Variants in ADARB1 observed in about 807,000 individuals in gnomAD.
ADARB1 encodes the protein adenosine deaminase RNA specific B1.
In ADARB1, 10 loss-of-function variants were observed where a neutral mutation model predicts 52.4. The ratio of observed to expected loss-of-function variants is 0.19; its 90% CI spans 0.12 to 0.32. The LOEUF is 0.32. Ranked by LOEUF, ADARB1 falls within the 10% of genes least tolerant of loss-of-function variation. The pLI, the probability that ADARB1 is intolerant of heterozygous loss-of-function variation, is 1.00. For synonymous variants in ADARB1, 349 were observed against 371.1 expected (o/e 0.94, Z 0.68); for missense variants, 643 against 922.3 (o/e 0.70, Z 3.92).
chr21:45,153,858 C>G (rs561854194), intron 2 of ADARB1, among the ~76,000 whole-genome samples: 14 of 152,318 alleles, frequency 9.2e-5, no homozygotes, highest in African/African-American at 3.1e-4. Context: ...CTCAAGAGGT[C>G]ACAGCATTGG....
intron 7 of ADARB1, among the ~76,000 whole-genome samples, chr21:45,183,958 T>C (rs1349450927): frequency 6.6e-6 from 1 of 152,238 alleles, no homozygotes; most frequent in Non-Finnish European, 1.5e-5. Flanking sequence ...TCTTTACATT[T>C]GAGGTTAGCA....
At chr21:45,193,884 G>A (rs2075483044) in intron 8 of ADARB1, among the ~76,000 whole-genome samples, 1 of 152,148 alleles carries the variant, frequency 6.6e-6, no homozygotes, top group African/African-American at 2.4e-5. Flanking sequence ...ACTCATTATT[G>A]TCAAGATACC....
At chr21:45,110,537 A>G (rs2087486852) in intron 1 of ADARB1, among the ~76,000 whole-genome samples, 1 of 152,206 alleles carries the variant, frequency 6.6e-6, no homozygotes, top group Non-Finnish European at 1.5e-5. Flanking sequence ...ATTGCTACTG[A>G]CAATGATGTA....
intron 2 of ADARB1, among the ~76,000 whole-genome samples, chr21:45,158,854 A>G (rs1268028389): frequency 6.6e-6 from 1 of 152,112 alleles, no homozygotes; most frequent in Non-Finnish European, 1.5e-5. Flanking sequence ...GTGGTTGCAG[A>G]TAAGACTGCA....
chr21:45,129,877 G>A lies in ADARB1; in HGVS notation c.-48+1304G>A, dbSNP rs2145835695. On this transcript the variant is annotated intron_variant, in intron 2 of 10. Transcript: ENST00000348831. ...AAGGTCCTGCTTGCCATTTCTGTCT[G>A]TAAATGTCAGGAATTTCAGGTAACT... is the stretch of plus-strand genomic sequence containing the variant. Among the ~76,000 whole-genome samples, 3 of 152,312 alleles carry A rather than the reference G, an allele frequency of 2.0e-5. No homozygotes were observed. The South Asian group carries it at 6.2e-4, about 32-fold the overall frequency.
intron 9 of ADARB1, among the ~76,000 whole-genome samples, chr21:45,218,946 T>G (rs2146448493): frequency 6.6e-6 from 1 of 152,328 alleles, no homozygotes; most frequent in South Asian, 2.1e-4. Flanking sequence ...ATCCATGTGA[T>G]ATGAATTATC....
intron 4 of ADARB1, among the ~76,000 whole-genome samples, chr21:45,178,675 G>A (rs893319466): frequency 6.6e-6 from 1 of 152,206 alleles, no homozygotes; most frequent in Non-Finnish European, 1.5e-5. Context: ...GAAGGACGTA[G>A]GTCAGTCATC....
At chr21:45,136,235 G>A (rs561647866) in intron 2 of ADARB1, among the ~76,000 whole-genome samples, 25 of 152,292 alleles carry the variant, frequency 1.6e-4, no homozygotes, top group Middle Eastern at 3.4e-3. Flanking sequence ...AGGTGCCCTC[G>A]TGCGGGAATG....
intron 5 of ADARB1, among the ~76,000 whole-genome samples, chr21:45,180,698 A>G (rs1321871810): frequency 6.6e-6 from 1 of 152,168 alleles, no homozygotes; most frequent in Non-Finnish European, 1.5e-5. Context: ...TGTCATCTTC[A>G]TCCTGTGAAT....
chr21:45,135,220 G>A (rs1270108429), intron 2 of ADARB1, among the ~76,000 whole-genome samples: 1 of 152,158 alleles, frequency 6.6e-6, no homozygotes, highest in East Asian at 1.9e-4. Flanking sequence ...TGTGTGCTGG[G>A]TAGGATTTCC....
chr21:45,183,339 T>C, intron 6 of ADARB1, 23 bp from the exon 7 acceptor site: 1 of 1,591,480 alleles, frequency 6.3e-7, no homozygotes, highest in Non-Finnish European at 8.5e-7. Context: ...TAAATGTTAC[T>C]TTTGCAACTT....
At chr21:45,099,126 G>A (rs2838781) in intron 1 of ADARB1, among the ~76,000 whole-genome samples, 34 of 152,314 alleles carry the variant, frequency 2.2e-4, no homozygotes, top group Admixed American at 1.8e-3. Flanking sequence ...GTGGATCATA[G>A]CCTGAATGGG....
intron 1 of ADARB1, among the ~76,000 whole-genome samples, chr21:45,096,592 C>T (rs1349948185): frequency 6.6e-6 from 1 of 152,162 alleles, no homozygotes; most frequent in African/African-American, 2.4e-5. Flanking sequence ...CCAGAAGGAA[C>T]TGCTCTTGTC....
In ADARB1 at chr21:45,162,956, C is replaced by T. The variant is rs116179174; in HGVS notation, c.-47-8654C>T. On this transcript the variant is annotated intron_variant, in intron 2 of 10. Coordinates refer to ENST00000348831, the MANE Select transcript of ADARB1 (RefSeq NM_001112.4). ...CACTTCAGACCCAGGTCGGAGAGCT[C>T]GAGGGCCTGAAACAGGCTCAGTCCC... 9.8e-3 allele frequency among the ~76,000 whole-genome samples: 1,491 copies of T among 152,296 alleles called. 20 individuals carry two copies. Among genetic ancestry groups the T allele is most frequent in the African/African-American group, 0.034 (1,424 of 41,550 alleles).
At chr21:45,219,757 T>C (rs1002275709) in intron 9 of ADARB1, among the ~76,000 whole-genome samples, 4 of 152,196 alleles carry the variant, frequency 2.6e-5, no homozygotes, top group Admixed American at 1.3e-4. Context: ...GAGGAATAAA[T>C]AGGCGCTTTG....
chr21:45,133,334 C>T (rs1202638829), intron 2 of ADARB1, among the ~76,000 whole-genome samples: 1 of 152,242 alleles, frequency 6.6e-6, no homozygotes, highest in Non-Finnish European at 1.5e-5. Flanking sequence ...CTGTGGCCCT[C>T]TTCCCAGCAT....
intron 6 of ADARB1, 38 bp downstream of exon 6, chr21:45,182,791 T>C: frequency 6.7e-7 from 1 of 1,500,476 alleles, no homozygotes; most frequent in South Asian, 1.3e-5. Flanking sequence ...GAAGCTCTTT[T>C]TAAAAAATAT....
chr21:45,210,322 G>A (rs954908114), intron 9 of ADARB1, among the ~76,000 whole-genome samples: 2 of 152,190 alleles, frequency 1.3e-5, no homozygotes, highest in Non-Finnish European at 1.5e-5. Flanking sequence ...TTACGGACAC[G>A]GTGATAGGGG....
chr21:45,133,106 G>A (rs917109286), intron 2 of ADARB1, among the ~76,000 whole-genome samples: 1 of 152,210 alleles, frequency 6.6e-6, no homozygotes, highest in Non-Finnish European at 1.5e-5. Context: ...TGGTGGAATC[G>A]GACAGTTGTC....
Sources: gnomAD v4.1 joint callset for allele counts (sites outside exome capture counted in the v4.1 genomes callset) on GRCh38, gnomAD v4.1.1 for gene constraint, MANE v1.5 for transcripts, NCBI Gene and HGNC (gene_info 2026-07-23, HGNC 2026-07-21) for gene names.